RAB21: variants seen among roughly 807,000 people sequenced by gnomAD.
RAB21 encodes the protein ras-related protein Rab-21.
RAB21 carries 13 observed loss-of-function variants against 33.1 expected under a neutral mutation model. The ratio of observed to expected loss-of-function variants is 0.39; its 90% CI spans 0.26 to 0.62. The LOEUF is 0.62. Ranked by LOEUF, RAB21 falls within the 20% of genes least tolerant of loss-of-function variation. The pLI, the probability that RAB21 is intolerant of heterozygous loss-of-function variation, is 0.48. For missense variants in RAB21, 234 were observed against 279.1 expected (o/e 0.84, Z 1.15); for synonymous variants, 91 against 103.7 (o/e 0.88, Z 0.74).
chr12:71,774,972 C>T (rs763959696), intron 4 of RAB21, among the ~76,000 whole-genome samples: 10 of 152,054 alleles, frequency 6.6e-5, no homozygotes, highest in South Asian at 4.1e-4. Context: ...GAAATGACTT[C>T]GGCTTGTGTT....
chr12:71,766,392 G>T (rs982727068), intron 1 of RAB21, among the ~76,000 whole-genome samples: 13 of 151,946 alleles, frequency 8.6e-5, no homozygotes, highest in Non-Finnish European at 2.9e-5. Context: ...GTGACCTTGG[G>T]CAAGATATTT....
At chr12:71,756,350 C>T (rs1015237621) in intron 1 of RAB21, among the ~76,000 whole-genome samples, 1 of 152,178 alleles carries the variant, frequency 6.6e-6, no homozygotes, top group Non-Finnish European at 1.5e-5. Context: ...ATGACCTGGT[C>T]CAGTGTAAGT....
intron 4 of RAB21, among the ~76,000 whole-genome samples, chr12:71,777,519 T>C (rs1356745354): frequency 6.6e-6 from 1 of 152,234 alleles, no homozygotes; most frequent in African/African-American, 2.4e-5. Context: ...TATTCTCTCT[T>C]CTGTTTTATT....
At chr12:71,763,345 CAG>C (rs1403365097) in intron 1 of RAB21, among the ~76,000 whole-genome samples, 1 of 152,114 alleles carries the variant, frequency 6.6e-6, no homozygotes, top group African/African-American at 2.4e-5. Flanking sequence ...GTCCCGCTAA[CAG>C]AGAACCAAAA....
chr12:71,788,357 T>A lies in RAB21; in HGVS notation c.*2684T>A, dbSNP rs1883326543. 6 of 152,182 alleles carry A rather than the reference T, an allele frequency of 3.9e-5. No homozygotes were observed. Among genetic ancestry groups the A allele is most frequent in the Admixed American group, 3.9e-4 (6 of 15,270 alleles). The allele number at this position is 152,182 out of a possible 1,614,324, so 9.4% of individuals were successfully genotyped here. A position where few individuals can be genotyped will look rare whatever the true frequency, so the allele number is the denominator to read the frequency against. The stretch of plus-strand genomic sequence containing the variant: ...GTTATCTTTCTTAACCTCACGTATT[T>A]CTTTATCCTTTTTAGTGGGGGCCTG... On this transcript the variant is annotated 3_prime_UTR_variant, in exon 7 of 7. Transcript: ENST00000261263.
rs950829016 is a variant in RAB21 at position 71,788,459 on chromosome 12, G to C, written c.*2786G>C. The C allele has an allele frequency of 3.3e-5, 5 of 152,034 alleles. No individual in the cohort carries two copies. The highest frequency in any genetic ancestry group is 1.2e-4 in the African/African-American group (5 of 41,394). The allele number at this position is 152,034 out of a possible 1,614,324, so 9.4% of individuals were successfully genotyped here. A position where few individuals can be genotyped will look rare whatever the true frequency, so the allele number is the denominator to read the frequency against. ...CACTTTGAAACCCAAAAGGTCTTTG[G>C]GTAGGAATAGAGTAATGAAAGAGGA... On this transcript the variant is annotated 3_prime_UTR_variant, in exon 7 of 7. Coordinates refer to ENST00000261263, the MANE Select transcript of RAB21 (RefSeq NM_014999.4).
At chr12:71,770,189 A>G (rs1883021714) in intron 2 of RAB21, among the ~76,000 whole-genome samples, 1 of 152,038 alleles carries the variant, frequency 6.6e-6, no homozygotes, top group South Asian at 2.1e-4. Flanking sequence ...TGCAGCAGAT[A>G]CTTCTTGACT....
chr12:71,773,157 T>C (rs1203818027), intron 3 of RAB21, among the ~76,000 whole-genome samples: 1 of 152,254 alleles, frequency 6.6e-6, no homozygotes, highest in Non-Finnish European at 1.5e-5. Context: ...TTTAAAATCA[T>C]GAGTTCAAAA....
At chr12:71,780,149 A>G (rs1472467987) in intron 4 of RAB21, among the ~76,000 whole-genome samples, 1 of 152,218 alleles carries the variant, frequency 6.6e-6, no homozygotes, top group Admixed American at 6.5e-5. Context: ...ATAATAAAGC[A>G]GTGTCTGAAT....
intron 1 of RAB21, among the ~76,000 whole-genome samples, chr12:71,761,668 AC>A (rs1455888462): frequency 2.6e-5 from 4 of 152,318 alleles, no homozygotes; most frequent in African/African-American, 9.6e-5. Context: ...ACAGAGCAAG[AC>A]TCCATCTCAA....
At chr12:71,782,480 A>ACTGT (rs1883216095) in intron 5 of RAB21, 90 bp from the exon 6 acceptor site, 1 of 786,570 alleles carries the variant, frequency 1.3e-6, no homozygotes, top group African/African-American at 1.8e-5. Context: ...GTAAATTAAT[A>ACTGT]TGTCACTAAA....
chr12:71,777,281 A>G (rs1385399558), intron 4 of RAB21, among the ~76,000 whole-genome samples: 1 of 152,184 alleles, frequency 6.6e-6, no homozygotes, highest in East Asian at 1.9e-4. Flanking sequence ...TGAATTTTAT[A>G]TAAATGGAAT....
In RAB21 at chr12:71,782,084, T is replaced by C. The variant is rs543555543; in HGVS notation, c.445T>C (p.Ser149Pro). 7 of 1,606,912 alleles carry C rather than the reference T, an allele frequency of 4.4e-6. No individual in the cohort carries two copies. Among genetic ancestry groups the C allele is most frequent in the Non-Finnish European group, 4.3e-6 (5 of 1,174,370 alleles). Residue 149 changes from serine to proline, a missense_variant and splice_region_variant, in exon 5 of 7, where the codon TCG becomes CCG. Transcript: ENST00000261263. ...ACATGTTTCCATTCAAGAAGCAGAG[T>C]CGTAAGTACTGTGACCCTCCCATTC... ...ERHVSIQEAE[S>P]YAESVGAKHY...
rs1199805355 is a variant in RAB21, at chr12:71,790,718, G to C, written c.*5045G>C. Reference sequence around the variant, plus strand: ...ATATGTTTACATATAGAAATACATAGTGTTGTGGGTTTTAAATTTTCACAT... The same window carrying C: ...ATATGTTTACATATAGAAATACATACTGTTGTGGGTTTTAAATTTTCACAT... On this transcript the variant is annotated 3_prime_UTR_variant, in exon 7 of 7. Transcript: ENST00000261263. 6.6e-6 allele frequency: 1 copy of C among 151,984 alleles called. No homozygotes were observed. The highest frequency in any genetic ancestry group is 1.5e-5 in the Non-Finnish European group (1 of 68,008). The allele number at this position is 151,984 out of a possible 1,614,324, so 9.4% of individuals were successfully genotyped here.
chr12:71,774,989 CT>C (rs1424194387), intron 4 of RAB21, among the ~76,000 whole-genome samples: 1 of 152,048 alleles, frequency 6.6e-6, no homozygotes, highest in East Asian at 1.9e-4. Context: ...TGTTCTTATT[CT>C]GTACATTTAA....
In RAB21 at chr12:71,756,622, T is replaced by A. The variant is rs953479030; in HGVS notation, c.159+1334T>A. 5.3e-5 allele frequency among the ~76,000 whole-genome samples: 8 copies of A among 152,218 alleles called. No homozygotes were observed. The East Asian group carries it at 5.8e-4, about 11-fold the overall frequency. ...AGTGAGTGCCAGGAAACTGCATTTT[T>A]AAAAAATCCTTGTACCAGAACACTG... On this transcript the variant is annotated intron_variant, in intron 1 of 6. Coordinates refer to ENST00000261263, the MANE Select transcript of RAB21 (RefSeq NM_014999.4).
At chr12:71,771,843 G>GCA (rs1200773849) in intron 3 of RAB21, among the ~76,000 whole-genome samples, 1 of 151,956 alleles carries the variant, frequency 6.6e-6, no homozygotes, top group African/African-American at 2.4e-5. Context: ...GGGTTTGGTG[G>GCA]CACATGCCTA....
chr12:71,770,760 A>G (rs887582826), intron 3 of RAB21, 61 bp downstream of exon 3: 8 of 1,068,134 alleles, frequency 7.5e-6, no homozygotes, highest in Non-Finnish European at 1.1e-5. Context: ...GTTTCCATTA[A>G]TATACCTTTA....
At chr12:71,778,175 G>A (rs1163698032) in intron 4 of RAB21, among the ~76,000 whole-genome samples, 1 of 152,102 alleles carries the variant, frequency 6.6e-6, no homozygotes, top group Non-Finnish European at 1.5e-5. Flanking sequence ...TGATATCCAT[G>A]TGCTAACCAG....
Sources: gnomAD v4.1 joint callset for allele counts (sites outside exome capture counted in the v4.1 genomes callset) on GRCh38, gnomAD v4.1.1 for gene constraint, MANE v1.5 for transcripts, NCBI Gene and HGNC (gene_info 2026-07-23, HGNC 2026-07-21) for gene names.